BCL6B: variants seen among roughly 807,000 people sequenced by gnomAD.
BCL6B encodes the protein BCL6B transcription repressor.
In BCL6B, 28 loss-of-function variants were observed where a neutral mutation model predicts 44.6. That is an observed-to-expected ratio of 0.63 (90% CI 0.47 to 0.86). The LOEUF is 0.86. Among genes scored for constraint, BCL6B ranks in the 40% least tolerant of loss-of-function variants. The pLI is 0.00. For missense variants in BCL6B, 626 were observed against 652.3 expected (o/e 0.96, Z 0.44); for synonymous variants, 268 against 263.6 (o/e 1.02, Z -0.16).
chr17:7,027,836 G>C lies in BCL6B; in HGVS notation c.*217G>C. The C allele has an allele frequency of 7.1e-7, 1 of 1,410,742 alleles. No individual in the cohort carries two copies. Among genetic ancestry groups the C allele is most frequent in the Non-Finnish European group, 9.2e-7 (1 of 1,085,128 alleles). The allele number at this position is 1,410,742 out of a possible 1,614,324, so 87.4% of individuals were successfully genotyped here. On this transcript the variant is annotated 3_prime_UTR_variant, in exon 9 of 9. Transcript: ENST00000293805. The stretch of plus-strand genomic sequence containing the variant: ...GTCAAAACCTCTTCCCCACAAGCCA[G>C]ATTGTTTCTGAGGAGAGAGCTAGCT...
Position 7,029,560 on chromosome 17 carries a change from G to T in BCL6B, c.*1941G>T. On this transcript the variant is annotated 3_prime_UTR_variant, in exon 9 of 9. Coordinates refer to ENST00000293805, the MANE Select transcript of BCL6B (RefSeq NM_181844.4). ...ATCATGATTTCTATTTAGCAGATTG[G>T]ATGGGCAGGTGGAGAATGCCTGGGG... 1 of 1,142,584 alleles carries T rather than the reference G, an allele frequency of 8.8e-7. No homozygotes were observed. The highest frequency in any genetic ancestry group is 1.1e-6 in the Non-Finnish European group (1 of 916,990). The allele number at this position is 1,142,584 out of a possible 1,614,324, so 70.8% of individuals were successfully genotyped here. A position where few individuals can be genotyped will look rare whatever the true frequency, so the allele number is the denominator to read the frequency against.
In BCL6B at chr17:7,026,703, AG is replaced by A; in HGVS notation, c.1057del. 1.9e-6 allele frequency: 3 copies of A among 1,614,262 alleles called. 1 individual carries two copies. The highest frequency in any genetic ancestry group is 2.5e-6 in the Non-Finnish European group (3 of 1,180,044). ...CTGATCTCCCATGTTCTCTGCCTCCAGGGGAAAAGCCTTACCACTGCTCAAT... is the reference window on the plus strand; with the variant it reads ...CTGATCTCCCATGTTCTCTGCCTCCAGGGAAAAGCCTTACCACTGCTCAAT... On this transcript the variant is annotated splice_acceptor_variant, in intron 6 of 8. Coordinates refer to ENST00000293805, the MANE Select transcript of BCL6B (RefSeq NM_181844.4). LOFTEE classifies it high-confidence loss of function.
At position 7,025,104 on chromosome 17, in the gene BCL6B, T is replaced by G. The variant is rs766579716; in HGVS notation, c.793T>G (p.Phe265Val). 2 of 1,614,040 alleles carry G rather than the reference T, an allele frequency of 1.2e-6. No individual in the cohort carries two copies. The highest frequency in any genetic ancestry group is 1.7e-6 in the Non-Finnish European group (2 of 1,180,000). Residue 265 changes from phenylalanine to valine, a missense_variant, in exon 5 of 9, where the codon TTC (phenylalanine) becomes GTC (valine). Coordinates refer to ENST00000293805, the MANE Select transcript of BCL6B (RefSeq NM_181844.4). The stretch of plus-strand genomic sequence containing the variant: ...CTCTCCAACTGCTGCCACTGTGCAG[T>G]TCAAATGTGGGGCTCCAGCCAGTAC... ...RLSPTAATVQ[F>V]KCGAPASTPY...
At position 7,026,841 on chromosome 17, in the gene BCL6B, G is replaced by T; in HGVS notation, c.1185+6G>T. On this transcript the variant is annotated splice_donor_region_variant and intron_variant, in intron 7 of 8. Coordinates refer to ENST00000293805, the MANE Select transcript of BCL6B (RefSeq NM_181844.4). ...GCGGCTCGCGCTTTGTACAGGTACG[G>T]AGCCAGCCTCCAAGTGGCTTCCAAG... The T allele has an allele frequency of 1.2e-6, 2 of 1,613,542 alleles. No individual in the cohort carries two copies. The highest frequency in any genetic ancestry group is 2.7e-5 in the African/African-American group (2 of 75,068).
At chr17:7,027,381 G>C (rs1910326560) in intron 8 of BCL6B, 122 bp from the exon 9 acceptor site, 9 of 1,192,246 alleles carry the variant, frequency 7.5e-6, no homozygotes, top group Non-Finnish European at 8.4e-6. Flanking sequence ...GAGGATGTGA[G>C]AGTCAAAGAG....
rs1238186991 is a variant in BCL6B at position 7,029,633 on chromosome 17, C to G, written c.*2014C>G. ...CATCAGATCCTTGGAATAAAGAAGC[C>G]TCTCTGTGCTGCCTGCTGTGTCCTG... On this transcript the variant is annotated 3_prime_UTR_variant, in exon 9 of 9. Transcript: ENST00000293805. The G allele has an allele frequency of 8.4e-7, 1 of 1,186,120 alleles. No individual in the cohort carries two copies. Among genetic ancestry groups the G allele is most frequent in the African/African-American group, 1.6e-5 (1 of 62,288 alleles). 73.5% of individuals were successfully genotyped at this position (1,186,120 alleles called of 1,614,324 possible).
rs374882649 is a variant in BCL6B, at chr17:7,024,132, G to A, written c.229G>A (p.Val77Met). ...FRGRAGVGVDVLSLPGGPEAR... is the reference protein window; with the variant it reads ...FRGRAGVGVDMLSLPGGPEAR... ...GGGCCGTGCGGGAGTCGGGGTGGACGTGCTCTCTCTGCCCGGGGGTCCCGA... is the reference window on the plus strand; with the variant it reads ...GGGCCGTGCGGGAGTCGGGGTGGACATGCTCTCTCTGCCCGGGGGTCCCGA... Residue 77 changes from valine to methionine, a missense_variant, in exon 3 of 9, where the codon GTG becomes ATG. Val to Met is a conservative substitution (Grantham distance 21). Transcript: ENST00000293805. The surrounding 1 kb of genome is among the most constrained non-coding windows in gnomAD (Gnocchi z 6.6). 4 of 1,613,908 alleles carry A rather than the reference G, an allele frequency of 2.5e-6. No individual in the cohort carries two copies. Among genetic ancestry groups the A allele is most frequent in the African/African-American group, 2.7e-5 (2 of 74,918 alleles).
chr17:7,023,546 G>A (rs1910186034), intron 1 of BCL6B, 114 bp from the exon 2 acceptor site: 2 of 1,034,144 alleles, frequency 1.9e-6, no homozygotes, highest in Admixed American at 2.8e-5. Context: ...CGTGTGCCGG[G>A]GCTAGGGGCT....
intron 5 of BCL6B, among the ~76,000 whole-genome samples, chr17:7,025,665 T>G (rs1910265159): frequency 6.6e-6 from 1 of 152,000 alleles, no homozygotes; most frequent in Non-Finnish European, 1.5e-5. Flanking sequence ...AGATGTGGTC[T>G]CTACAAAAAA....
In BCL6B at chr17:7,029,402, AAGTC is replaced by A. The variant is rs1344341048; in HGVS notation, c.*1787_*1790del. The A allele has an allele frequency of 1.0e-6, 1 of 998,884 alleles. No homozygotes were observed. The highest frequency in any genetic ancestry group is 1.2e-6 in the Non-Finnish European group (1 of 837,372). 61.9% of individuals were successfully genotyped at this position (998,884 alleles called of 1,614,324 possible). On this transcript the variant is annotated 3_prime_UTR_variant, in exon 9 of 9. Transcript: ENST00000293805. ...ATTTGTGGGGTAGAACTTCAACAATAAGTCAGTTCTAGTGGCTGTCGCCTGGGGA... is the reference window on the plus strand; with the variant it reads ...ATTTGTGGGGTAGAACTTCAACAATAAGTTCTAGTGGCTGTCGCCTGGGGA...
At position 7,026,511 on chromosome 17, in the gene BCL6B, G is replaced by A. The variant is rs1229487531; in HGVS notation, c.944G>A (p.Gly315Glu). The change falls in exon 6 of 9, where the codon GGG (glycine) becomes GAG (glutamate). Residue 315 changes from glycine (G) to glutamate (E), a missense_variant. Transcript: ENST00000293805. ...GAGGCTGTGGCAGGGTGCTCATCGG[G>A]GCTGGACTCCTTGGTTCCTGGGGAC... ...NCEAVAGCSSGLDSLVPGDED... is the reference protein window; with the variant it reads ...NCEAVAGCSSELDSLVPGDED... 6.2e-7 allele frequency: 1 copy of A among 1,614,162 alleles called. No individual in the cohort carries two copies. Among genetic ancestry groups the A allele is most frequent in the Admixed American group, 1.7e-5 (1 of 60,024 alleles).
Position 7,024,106 on chromosome 17 carries a change from G to C in BCL6B, c.203G>C (p.Arg68Pro), listed in dbSNP as rs747201143. The C allele has an allele frequency of 6.2e-7, 1 of 1,613,924 alleles. No individual in the cohort carries two copies. The highest frequency in any genetic ancestry group is 8.5e-7 in the Non-Finnish European group (1 of 1,180,034). ...AGTGGCTTCTTCTATTCAATTTTCCGGGGCCGTGCGGGAGTCGGGGTGGAC... is the reference window on the plus strand; with the variant it reads ...AGTGGCTTCTTCTATTCAATTTTCCCGGGCCGTGCGGGAGTCGGGGTGGAC... ...ACSGFFYSIFRGRAGVGVDVL... is the reference protein window; with the variant it reads ...ACSGFFYSIFPGRAGVGVDVL... Residue 68 changes from arginine (R) to proline (P), a missense_variant, in exon 3 of 9, where the codon CGG becomes CCG. Coordinates refer to ENST00000293805, the MANE Select transcript of BCL6B (RefSeq NM_181844.4). The surrounding 1 kb of genome is among the most constrained non-coding windows in gnomAD (Gnocchi z 6.6).
Position 7,027,000 on chromosome 17 carries a change from C to A in BCL6B, c.1236C>A (p.Tyr412Ter). The change falls in exon 8 of 9, where the codon TAC becomes TAA. Residue 412 changes from tyrosine (Y) to a stop codon, truncating the protein, a stop_gained. Coordinates refer to ENST00000293805, the MANE Select transcript of BCL6B (RefSeq NM_181844.4). LOFTEE classifies it high-confidence loss of function. Reference protein sequence around the residue: ...HVLIHTGEKPYPCPTCGTRFR... With the variant: ...HVLIHTGEKP ...TGATCCACACCGGGGAGAAGCCCTA[C>A]CCTTGCCCTACCTGCGGAACCCGCT... is the stretch of plus-strand genomic sequence containing the variant. 1 of 1,613,706 alleles carries A rather than the reference C, an allele frequency of 6.2e-7. No homozygotes were observed. The highest frequency in any genetic ancestry group is 8.5e-7 in the Non-Finnish European group (1 of 1,180,018).
rs1171507348 is a variant in BCL6B at position 7,023,648 on chromosome 17, C to T, written c.-12-12C>T. ...CTGCCTGGATCCAGAGCACTTTCCA[C>T]GGCCTCTACAGGCCTGTGTCGCTAT... On this transcript the variant is annotated splice_polypyrimidine_tract_variant and intron_variant, in intron 1 of 8. Coordinates refer to ENST00000293805, the MANE Select transcript of BCL6B (RefSeq NM_181844.4). 13 of 1,596,632 alleles carry T rather than the reference C, an allele frequency of 8.1e-6. No homozygotes were observed. The highest frequency in any genetic ancestry group is 4.0e-5 in the African/African-American group (3 of 74,440).
chr17:7,023,232 C>T, intron 1 of BCL6B, 133 bp downstream of exon 1: 1 of 179,222 alleles, frequency 5.6e-6, no homozygotes, highest in South Asian at 1.2e-4. Context: ...AGATAGGAGT[C>T]GCAGAATTCC....
At chr17:7,026,914 T>C (rs1402895743) in intron 7 of BCL6B, 36 bp from the exon 8 acceptor site, 2 of 1,611,174 alleles carry the variant, frequency 1.2e-6, no homozygotes, top group South Asian at 2.2e-5. Context: ...GTTCTGTTCC[T>C]CCCAGAGGCA....
At position 7,024,259 on chromosome 17, in the gene BCL6B, A is replaced by G; in HGVS notation, c.356A>G (p.Gln119Arg). The G allele has an allele frequency of 6.2e-7, 1 of 1,613,704 alleles. No individual in the cohort carries two copies. Among genetic ancestry groups the G allele is most frequent in the Non-Finnish European group, 8.5e-7 (1 of 1,180,016 alleles). Residue 119 changes from glutamine to arginine, a missense_variant, in exon 3 of 9, where the codon CAG (glutamine) becomes CGG (arginine). Coordinates refer to ENST00000293805, the MANE Select transcript of BCL6B (RefSeq NM_181844.4). This position sits in a 1 kb window ranked among gnomAD's most constrained non-coding sequence, Gnocchi z 6.6. ...PAVLAAATYL[Q>R]MEHVVQACHR... ...GTCCTAGCGGCCGCCACCTATTTGC[A>G]GATGGAGCACGTGGTCCAGGCATGC...
At position 7,023,908 on chromosome 17, in the gene BCL6B, C is replaced by A. The variant is rs989967545; in HGVS notation, c.179+58C>A. The stretch of plus-strand genomic sequence containing the variant: ...TGGGAAAGGGGTGGGACCACAGGGC[C>A]GTTGAGAGGGAATCCGAAGCCAAGT... On this transcript the variant is annotated intron_variant, in intron 2 of 8. Coordinates refer to ENST00000293805, the MANE Select transcript of BCL6B (RefSeq NM_181844.4). 1.3e-5 allele frequency: 20 copies of A among 1,579,540 alleles called. No individual in the cohort carries two copies. The East Asian group carries it at 4.3e-4, about 34-fold the overall frequency.
intron 4 of BCL6B, 63 bp from the exon 5 acceptor site, chr17:7,025,013 G>A (rs751547828): frequency 3.2e-5 from 50 of 1,574,866 alleles, no homozygotes; most frequent in Admixed American, 9.2e-5. Flanking sequence ...AAATTTCCCA[G>A]GAGAGAACCC....
Sources: gnomAD v4.1 joint callset for allele counts (sites outside exome capture counted in the v4.1 genomes callset) on GRCh38, gnomAD v4.1.1 for gene constraint, Gnocchi (gnomAD v3.1) non-coding constraint, MANE v1.5 for transcripts, NCBI Gene and HGNC (gene_info 2026-07-23, HGNC 2026-07-21) for gene names.